Variants in TPCN1 observed in about 807,000 individuals in gnomAD.
TPCN1 encodes the protein two pore segment channel 1.
Under a neutral mutation model 108.8 loss-of-function variants are expected in TPCN1, and 52 were observed. The observed-to-expected ratio is 0.48, with a 90% CI of 0.38 to 0.60. TPCN1 has a LOEUF of 0.60. TPCN1 is among the 20% of genes least tolerant of loss of function. TPCN1 has a pLI of 0.00. For missense variants in TPCN1, 806 were observed against 1,072.8 expected, an observed-to-expected ratio of 0.75 and a Z score of 3.47; for synonymous variants, 446 against 433.7, an observed-to-expected ratio of 1.03 and a Z score of -0.35.
chr12:113,245,518 G>A (rs1219446762), intron 2 of TPCN1, among the ~76,000 whole-genome samples: 1 of 139,070 alleles, frequency 7.2e-6, no homozygotes, highest in Non-Finnish European at 1.5e-5. Context: ...GGAGAATGGC[G>A]TGAGCCCGGG....
intron 2 of TPCN1, among the ~76,000 whole-genome samples, chr12:113,255,789 C>T (rs1032993185): frequency 6.6e-6 from 1 of 151,932 alleles, no homozygotes; most frequent in Non-Finnish European, 1.5e-5. Flanking sequence ...CTTGGCCTCC[C>T]TAAGTGCTAG....
Position 113,296,064 on chromosome 12 carries a change from G to A in TPCN1, c.2439G>A (p.Gln813=), listed in dbSNP as rs1268915953. The A allele has an allele frequency of 2.5e-6, 4 of 1,612,982 alleles. No homozygotes were observed. The highest frequency in any genetic ancestry group is 1.3e-5 in the African/African-American group (1 of 74,936). Residue 813 remains glutamine (Q), a synonymous_variant, in exon 28 of 28, where the codon CAG becomes CAA. Transcript: ENST00000335509. ...QQPPGSRQRS[Q]TVT ...CCCCAGGCAGCCGCCAGCGCTCCCA[G>A]ACCGTTACCTAGCCCAGCGCCCGAA...
intron 2 of TPCN1, among the ~76,000 whole-genome samples, chr12:113,227,228 T>C (rs1241502002): frequency 6.6e-6 from 1 of 152,180 alleles, no homozygotes; most frequent in African/African-American, 2.4e-5. Context: ...GCACCTGAGG[T>C]ACCTTGGCCT....
chr12:113,271,499 T>G (rs1475975373), intron 7 of TPCN1, among the ~76,000 whole-genome samples: 1 of 152,222 alleles, frequency 6.6e-6, no homozygotes, highest in Non-Finnish European at 1.5e-5. Context: ...ATGATAATGC[T>G]TTGCATACTT....
In TPCN1 at chr12:113,272,621, C is replaced by T. The variant is rs768260391; in HGVS notation, c.749-37C>T. 1 of 1,605,446 alleles carries T rather than the reference C, an allele frequency of 6.2e-7. No individual in the cohort carries two copies. On this transcript the variant is annotated intron_variant, in intron 7 of 27. Coordinates refer to ENST00000335509, the MANE Select transcript of TPCN1 (RefSeq NM_017901.6). The surrounding 1 kb of genome is among the most constrained non-coding windows in gnomAD (Gnocchi z 4.1). ...GACACCAGGTTTTGGGACCTCTGCT[C>T]TAATCCTTTTGTTTATCTGTTTCCA...
intron 14 of TPCN1, 42 bp from the exon 15 acceptor site, chr12:113,280,109 A>G: frequency 2.0e-6 from 3 of 1,476,398 alleles, no homozygotes; most frequent in Non-Finnish European, 2.8e-6. Context: ...AGGGGGAACA[A>G]GTGCGTAAAT....
At chr12:113,223,329 C>T (rs1409280965) in intron 1 of TPCN1, among the ~76,000 whole-genome samples, 1 of 151,940 alleles carries the variant, frequency 6.6e-6, no homozygotes, top group Non-Finnish European at 1.5e-5. Context: ...CTGCCATTGA[C>T]TAGGTCAGTT....
chr12:113,234,001 TC>T (rs1360550463), intron 2 of TPCN1, among the ~76,000 whole-genome samples: 2 of 152,340 alleles, frequency 1.3e-5, no homozygotes, highest in East Asian at 3.9e-4. Flanking sequence ...GAAGTTGGTT[TC>T]TATCTTTATC....
rs762037358 is a variant in TPCN1 at position 113,272,692 on chromosome 12, C to T, written c.783C>T (p.Pro261=). ...TGTTCTCCCCTAACCCTTCAGACCC[C>T]GTAAGTAATCAGCACATTTGTCCGT... The part of the protein sequence containing the change: ...FYLFSPNPSD[P]YFSTLENSIV... The change falls in exon 8 of 28, where the codon CCC becomes CCT. Residue 261 remains proline, a splice_region_variant and synonymous_variant. Coordinates refer to ENST00000335509, the MANE Select transcript of TPCN1 (RefSeq NM_017901.6). The surrounding 1 kb of genome is among the most constrained non-coding windows in gnomAD (Gnocchi z 4.1). The T allele has an allele frequency of 4.4e-5, 71 of 1,613,324 alleles. No individual in the cohort carries two copies. The highest frequency in any genetic ancestry group is 1.6e-4 in the Middle Eastern group (1 of 6,084).
At chr12:113,241,761 C>CGT (rs67580212) in intron 2 of TPCN1, among the ~76,000 whole-genome samples, 60,368 of 144,280 alleles carry the variant, frequency 0.42, 12,641 homozygotes, top group Middle Eastern at 0.56. Flanking sequence ...CGTGCCTCTG[C>CGT]GTGTGTGTGT....
At position 113,239,718 on chromosome 12, in the gene TPCN1, G is replaced by C. The variant is rs146780564; in HGVS notation, c.112+12754G>C. ...CTACTTTTTGGATGTTTGGGTCTCT[G>C]CTTCCAGCTTCGAACTCCCCAGGAG... On this transcript the variant is annotated intron_variant, in intron 2 of 27. Transcript: ENST00000335509. Among the ~76,000 whole-genome samples, 150 of 152,292 alleles carry C rather than the reference G, an allele frequency of 9.8e-4. 1 individual carries two copies. The highest frequency in any genetic ancestry group is 3.5e-3 in the African/African-American group (145 of 41,548).
At chr12:113,240,930 G>C (rs1355177369) in intron 2 of TPCN1, among the ~76,000 whole-genome samples, 2 of 151,970 alleles carry the variant, frequency 1.3e-5, no homozygotes, top group Non-Finnish European at 2.9e-5. Context: ...TATTTTTGTA[G>C]AGATGGGGTT....
intron 1 of TPCN1, among the ~76,000 whole-genome samples, chr12:113,225,711 C>T (rs1593062361): frequency 1.3e-5 from 2 of 152,010 alleles, no homozygotes; most frequent in Admixed American, 6.6e-5. Context: ...CGTGCCACCC[C>T]GCCCAGCTAA....
rs1955410741 is a variant in TPCN1 at position 113,269,558 on chromosome 12, C to T, written c.660-199C>T. ...AGGTGGAGGTGGCTGTGTGCTACGC[C>T]TGCCCTAGTTCTTCCCTGCCATCCG... On this transcript the variant is annotated intron_variant, in intron 6 of 27. Transcript: ENST00000335509. This position sits in a 1 kb window ranked among gnomAD's most constrained non-coding sequence, Gnocchi z 5.0. 1.3e-5 allele frequency among the ~76,000 whole-genome samples: 2 copies of T among 152,146 alleles called. No homozygotes were observed. Among genetic ancestry groups the T allele is most frequent in the South Asian group, 4.1e-4 (2 of 4,828 alleles).
At chr12:113,244,746 G>C in intron 2 of TPCN1, 1 of 985,422 alleles carries the variant, frequency 1.0e-6, no homozygotes, top group Non-Finnish European at 1.2e-6. Context: ...AGTGCTTTGT[G>C]AGTATTCGCA....
At chr12:113,252,064 A>G (rs766792212) in intron 2 of TPCN1, among the ~76,000 whole-genome samples, 3 of 151,486 alleles carry the variant, frequency 2.0e-5, no homozygotes, top group Non-Finnish European at 4.4e-5. Flanking sequence ...GGCTCTGAGG[A>G]CTGTCCTCCC....
intron 27 of TPCN1, among the ~76,000 whole-genome samples, chr12:113,294,392 C>T (rs1956363060): frequency 6.6e-6 from 1 of 152,138 alleles, no homozygotes; most frequent in South Asian, 2.1e-4. Context: ...TTTGGGAGGC[C>T]AAGGCAGGCG....
intron 2 of TPCN1, among the ~76,000 whole-genome samples, chr12:113,227,825 G>A (rs1443817885): frequency 6.6e-6 from 1 of 152,172 alleles, no homozygotes; most frequent in Non-Finnish European, 1.5e-5. Context: ...ATTTGTCCAG[G>A]GAGAATTCAG....
At chr12:113,263,348 C>T (rs919703860) in intron 3 of TPCN1, among the ~76,000 whole-genome samples, 1 of 152,192 alleles carries the variant, frequency 6.6e-6, no homozygotes, top group Non-Finnish European at 1.5e-5. Context: ...GCTGCAACCT[C>T]CTCCCAGGTT....
Sources: gnomAD v4.1 joint callset for allele counts (sites outside exome capture counted in the v4.1 genomes callset) on GRCh38, gnomAD v4.1.1 for gene constraint, Gnocchi (gnomAD v3.1) non-coding constraint, MANE v1.5 for transcripts, NCBI Gene and HGNC (gene_info 2026-07-23, HGNC 2026-07-21) for gene names.